LHX9: variants seen among roughly 807,000 people sequenced by gnomAD.
The protein encoded by LHX9 is LIM homeobox 9, also known as LIM/homeobox protein Lhx9.
LHX9 carries 9 observed loss-of-function variants against 36.5 expected under a neutral mutation model. That is an observed-to-expected ratio of 0.25 (90% CI 0.15 to 0.43). The LOEUF (loss-of-function observed/expected upper bound fraction) is 0.43, where lower values mean the gene tolerates loss of function less well. LHX9 is among the 20% of genes least tolerant of loss of function. The pLI is 1.00. For synonymous variants in LHX9, 211 were observed against 212.1 expected, an observed-to-expected ratio of 0.99 and a Z score of 0.04; for missense variants, 464 against 526.4, an observed-to-expected ratio of 0.88 and a Z score of 1.16.
chr1:197,916,578 G>A (rs1659763108), upstream of LHX9: 1 of 680,172 alleles, frequency 1.5e-6, no homozygotes. Flanking sequence ...CCGCCCTATG[G>A]CCAAGGCGCA....
Position 197,929,595 on chromosome 1 carries a change from G to C in LHX9, c.*336G>C. ...TATTTCCAGAATCTCGAAGAAAAAA[G>C]AAAAAAGAGTGGTATTATTATGGGC... On this transcript the variant is annotated 3_prime_UTR_variant, in exon 5 of 5. Transcript: ENST00000367387. 1.1e-6 allele frequency: 1 copy of C among 928,986 alleles called. No homozygotes were observed. The highest frequency in any genetic ancestry group is 1.3e-6 in the Non-Finnish European group (1 of 778,586). The allele number at this position is 928,986 out of a possible 1,614,324, so 57.5% of individuals were successfully genotyped here.
At chr1:197,922,290 T>C (rs1660017886) in intron 3 of LHX9, among the ~76,000 whole-genome samples, 1 of 152,162 alleles carries the variant, frequency 6.6e-6, no homozygotes, top group Non-Finnish European at 1.5e-5. Flanking sequence ...TGATAGACCA[T>C]CCAGACATCC....
chr1:197,931,078 T>C lies in LHX9; in HGVS notation c.*1819T>C, dbSNP rs1043483817. On this transcript the variant is annotated 3_prime_UTR_variant, in exon 5 of 5. Coordinates refer to ENST00000367387, the MANE Select transcript of LHX9 (RefSeq NM_020204.3). Reference sequence around the variant, plus strand: ...GACTAATTATAACTCAGTTCTCCTATGTGCCTTATGATATAACTTGGAAGT... The same window carrying C: ...GACTAATTATAACTCAGTTCTCCTACGTGCCTTATGATATAACTTGGAAGT... 3.3e-5 allele frequency: 5 copies of C among 152,030 alleles called. No homozygotes were observed. Among genetic ancestry groups the C allele is most frequent in the Non-Finnish European group, 7.4e-5 (5 of 67,872 alleles). 9.4% of individuals were successfully genotyped at this position (152,030 alleles called of 1,614,324 possible). A position where few individuals can be genotyped will look rare whatever the true frequency, so the allele number is the denominator to read the frequency against.
At chr1:197,917,055 C>T (rs1379768185), upstream of LHX9, among the ~76,000 whole-genome samples, 2 of 152,002 alleles carry the variant, frequency 1.3e-5, no homozygotes, top group East Asian at 3.9e-4. Context: ...CTCCTTTTCC[C>T]CTTTAAAACA....
chr1:197,921,448 C>T lies in LHX9; in HGVS notation c.522C>T (p.Phe174=), dbSNP rs767031663. The T allele has an allele frequency of 2.2e-5, 35 of 1,614,094 alleles. No individual in the cohort carries two copies. The Middle Eastern group carries it at 6.6e-4, about 30-fold the overall frequency. The change falls in exon 3 of 5, where the codon TTC becomes TTT. Residue 174 remains phenylalanine, a synonymous_variant. Coordinates refer to ENST00000367387, the MANE Select transcript of LHX9 (RefSeq NM_020204.3). This position sits in a 1 kb window ranked among gnomAD's most constrained non-coding sequence, Gnocchi z 4.6. The part of the protein sequence containing the change: ...CNKTLTTGDH[F]GMKDSLVYCR... ...AGACTCTGACCACGGGCGACCATTT[C>T]GGCATGAAGGACAGCCTGGTGTACT...
In LHX9 at chr1:197,930,524, A is replaced by T. The variant is rs540244299; in HGVS notation, c.*1265A>T. On this transcript the variant is annotated 3_prime_UTR_variant, in exon 5 of 5. Coordinates refer to ENST00000367387, the MANE Select transcript of LHX9 (RefSeq NM_020204.3). Reference sequence around the variant, plus strand: ...TAGATTGTGGATTTCCTAAAAAAATAAAAAAGAAGTCAAGATATATGTCTT... The same window carrying T: ...TAGATTGTGGATTTCCTAAAAAAATTAAAAAGAAGTCAAGATATATGTCTT... 3.0e-4 allele frequency: 46 copies of T among 152,204 alleles called. 1 individual carries two copies. The highest frequency in any genetic ancestry group is 9.4e-4 in the African/African-American group (39 of 41,572). The allele number at this position is 152,204 out of a possible 1,614,324, so 9.4% of individuals were successfully genotyped here. A position where few individuals can be genotyped will look rare whatever the true frequency, so the allele number is the denominator to read the frequency against.
At position 197,917,552 on chromosome 1, in the gene LHX9, G is replaced by A. The variant is rs1557970852; in HGVS notation, c.-272G>A. 1 of 1,459,468 alleles carries A rather than the reference G, an allele frequency of 6.9e-7. No homozygotes were observed. Among genetic ancestry groups the A allele is most frequent in the Non-Finnish European group, 9.2e-7 (1 of 1,090,966 alleles). 90.4% of individuals were successfully genotyped at this position (1,459,468 alleles called of 1,614,324 possible). On this transcript the variant is annotated 5_prime_UTR_variant, in exon 1 of 5. Transcript: ENST00000367387. ...TCGATCTCTCAGAGCAGTAAGATTC[G>A]CCTTCTACGCCTCTTTTTCCCTCCG...
rs775768622 is a variant in LHX9, at chr1:197,920,024, G to A, written c.227G>A (p.Gly76Asp). Residue 76 changes from glycine to aspartate, a missense_variant, in exon 2 of 5, where the codon GGC (glycine) becomes GAC (aspartate). Gly to Asp is a moderately conservative substitution (Grantham distance 94). This residue lies in a region of LHX9 where 93 missense variants were observed against 150.3 expected (regional missense o/e 0.62). Coordinates refer to ENST00000367387, the MANE Select transcript of LHX9 (RefSeq NM_020204.3). ...EKPALCAGCG[G>D]KISDRYYLLA... ...CCCGCCCTGTGCGCCGGCTGCGGGGGCAAGATCTCGGACAGGTACTATCTG... is the reference window on the plus strand; with the variant it reads ...CCCGCCCTGTGCGCCGGCTGCGGGGACAAGATCTCGGACAGGTACTATCTG... The A allele has an allele frequency of 2.7e-5, 44 of 1,614,112 alleles. No individual in the cohort carries two copies. Among genetic ancestry groups the A allele is most frequent in the Non-Finnish European group, 3.6e-5 (43 of 1,180,058 alleles).
Position 197,931,637 on chromosome 1 carries a change from A to G in LHX9, c.*2378A>G, listed in dbSNP as rs930888140. On this transcript the variant is annotated 3_prime_UTR_variant, in exon 5 of 5. Coordinates refer to ENST00000367387, the MANE Select transcript of LHX9 (RefSeq NM_020204.3). ...ACTTCTGATTCATATGAAATGTTAC[A>G]CATTGTTGCACAGGCAGTGTAATTC... is the stretch of plus-strand genomic sequence containing the variant. 12 of 317,170 alleles carry G rather than the reference A, an allele frequency of 3.8e-5. No homozygotes were observed. Among genetic ancestry groups the G allele is most frequent in the Non-Finnish European group, 6.4e-5 (11 of 172,180 alleles). The allele number at this position is 317,170 out of a possible 1,614,324, so 19.6% of individuals were successfully genotyped here.
chr1:197,924,848 G>A (rs1660097658), intron 3 of LHX9, among the ~76,000 whole-genome samples: 1 of 152,224 alleles, frequency 6.6e-6, no homozygotes, highest in African/African-American at 2.4e-5. Flanking sequence ...AATACTGGAT[G>A]TGAACTGACA....
chr1:197,924,673 AGGCTCCTGGTGG>A (rs1336677154), intron 3 of LHX9, among the ~76,000 whole-genome samples: 9 of 152,340 alleles, frequency 5.9e-5, no homozygotes, highest in African/African-American at 1.9e-4. Context: ...CAAACTTTTA[AGGCTCCTGGTGG>A]TTAAATTAGC....
intron 2 of LHX9, 97 bp downstream of exon 2, chr1:197,920,271 C>G (rs946681745): frequency 1.8e-6 from 2 of 1,101,176 alleles, no homozygotes; most frequent in African/African-American, 3.1e-5. Context: ...CCTTTTGCCC[C>G]ATTCCGGGTG....
In LHX9 at chr1:197,929,504, T is replaced by G; in HGVS notation, c.*245T>G. The stretch of plus-strand genomic sequence containing the variant: ...TTTGGATTTAAAAAAATTAATTAGG[T>G]CTTTCAGTTGGTAAGGAGAGTTTTT... On this transcript the variant is annotated 3_prime_UTR_variant, in exon 5 of 5. Transcript: ENST00000367387. 2.0e-6 allele frequency: 2 copies of G among 982,836 alleles called. No individual in the cohort carries two copies. Among genetic ancestry groups the G allele is most frequent in the Non-Finnish European group, 2.4e-6 (2 of 818,420 alleles). 60.9% of individuals were successfully genotyped at this position (982,836 alleles called of 1,614,324 possible).
At chr1:197,918,269 T>TGGC in intron 1 of LHX9, 1 of 716,842 alleles carries the variant, frequency 1.4e-6, no homozygotes, top group African/African-American at 1.7e-5. Flanking sequence ...TGGGGGGTGG[T>TGGC]GGCATTCTCT....
At chr1:197,927,486 T>A in intron 3 of LHX9, 105 bp from the exon 4 acceptor site, 1 of 959,978 alleles carries the variant, frequency 1.0e-6, no homozygotes, top group Admixed American at 1.8e-5. Flanking sequence ...GACAACCTTT[T>A]TCACTGCTGC....
chr1:197,919,475 A>G (rs191541952), intron 1 of LHX9, among the ~76,000 whole-genome samples: 1 of 152,390 alleles, frequency 6.6e-6, no homozygotes, highest in African/African-American at 2.4e-5. Flanking sequence ...CAGAGGTCCA[A>G]TAATCTCCCC....
In LHX9 at chr1:197,929,061, G is replaced by C. The variant is rs756773350; in HGVS notation, c.996G>C (p.Gly332=). The C allele has an allele frequency of 6.2e-7, 1 of 1,613,586 alleles. No homozygotes were observed. The highest frequency in any genetic ancestry group is 8.5e-7 in the Non-Finnish European group (1 of 1,179,866). Residue 332 remains glycine (G), a synonymous_variant, in exon 5 of 5, where the codon GGG becomes GGC. Coordinates refer to ENST00000367387, the MANE Select transcript of LHX9 (RefSeq NM_020204.3). ...GGAACCTTTTGCGGCAGGAGAATGG[G>C]GGTGTTGATAAAGCTGACGGCACGT... The part of the protein sequence containing the change: ...FRRNLLRQEN[G]GVDKADGTSL...
At position 197,932,928 on chromosome 1, in the gene LHX9, T is replaced by C. The variant is rs138338616; in HGVS notation, c.*3669T>C. ...ATAGATCCTATGTGAGTTTACATGT[T>C]TGCTATGCAATGAACAAATTTATTG... On this transcript the variant is annotated 3_prime_UTR_variant, in exon 5 of 5. Transcript: ENST00000367387. 80 of 152,200 alleles carry C rather than the reference T, an allele frequency of 5.3e-4. No individual in the cohort carries two copies. The East Asian group carries it at 0.015, about 29-fold the overall frequency. 9.4% of individuals were successfully genotyped at this position (152,200 alleles called of 1,614,324 possible).
Position 197,929,307 on chromosome 1 carries a change from T to TATTATTCTA in LHX9, c.*55_*63dup. 1 of 1,221,842 alleles carries TATTATTCTA rather than the reference T, an allele frequency of 8.2e-7. No individual in the cohort carries two copies. Among genetic ancestry groups the TATTATTCTA allele is most frequent in the Non-Finnish European group, 1.0e-6 (1 of 958,600 alleles). 75.7% of individuals were successfully genotyped at this position (1,221,842 alleles called of 1,614,324 possible). On this transcript the variant is annotated 3_prime_UTR_variant, in exon 5 of 5. Coordinates refer to ENST00000367387, the MANE Select transcript of LHX9 (RefSeq NM_020204.3). ...TTTAAATTCTTCCTCTTCTTTTTAT[T>TATTATTCTA]ATTATTCTAATTATTATTATTTTAT...
Sources: allele counts gnomAD v4.1 joint callset (sites outside exome capture counted in the v4.1 genomes callset), GRCh38; gene constraint gnomAD v4.1.1; regional missense constraint gnomAD v4.1.1; non-coding constraint Gnocchi (gnomAD v3.1); transcripts MANE v1.5; gene names NCBI Gene and HGNC (gene_info 2026-07-23, HGNC 2026-07-21).